USP22: variants seen among roughly 807,000 people sequenced by gnomAD.
The protein encoded by USP22 is ubiquitin carboxyl-terminal hydrolase 22.
A neutral mutation model predicts 68.1 loss-of-function variants in USP22; 22 were observed. That is an observed-to-expected ratio of 0.32 (90% CI 0.23 to 0.46). The LOEUF (loss-of-function observed/expected upper bound fraction) is 0.46. USP22 is among the 20% of genes least tolerant of loss of function. The pLI, the probability that USP22 is intolerant of heterozygous loss-of-function variation, is 1.00. For missense variants in USP22, 433 were observed against 695.8 expected (o/e 0.62, Z 4.25); for synonymous variants, 279 against 274.2 (o/e 1.02, Z -0.17).
chr17:21,006,677 G>A, intron 10 of USP22: 1 of 252,822 alleles, frequency 4.0e-6, no homozygotes. Flanking sequence ...GCTAATTTTT[G>A]TATTTTTAGT....
chr17:21,030,083 TC>T (rs1261267162), intron 1 of USP22, among the ~76,000 whole-genome samples: 2 of 152,142 alleles, frequency 1.3e-5, no homozygotes, highest in Admixed American at 6.5e-5. Context: ...GATTCCAGGA[TC>T]CCCTCAGGTA....
intron 1 of USP22, among the ~76,000 whole-genome samples, chr17:21,038,486 T>C (rs1463374544): frequency 6.6e-6 from 1 of 151,954 alleles, no homozygotes; most frequent in Non-Finnish European, 1.5e-5. Context: ...CTGGGCAACA[T>C]GGCAAAACTC....
At chr17:21,032,922 CAAAAAAAAAAAAAAAAAA>C (rs753804890) in intron 1 of USP22, among the ~76,000 whole-genome samples, 25 of 91,578 alleles carry the variant, frequency 2.7e-4, no homozygotes, top group Non-Finnish European at 4.1e-4. Flanking sequence ...GACCCTGTCT[CAAAAAAAAAAAAAAAAAA>C]AAAAAAAAAA....
intron 1 of USP22, among the ~76,000 whole-genome samples, chr17:21,034,902 A>C (rs1415902367): frequency 6.6e-6 from 1 of 152,222 alleles, no homozygotes; most frequent in Non-Finnish European, 1.5e-5. Context: ...GAAATTATGA[A>C]GGAAAAAAGT....
chr17:21,040,674 C>T (rs1972416378), intron 1 of USP22, among the ~76,000 whole-genome samples: 1 of 151,924 alleles, frequency 6.6e-6, no homozygotes, highest in African/African-American at 2.4e-5. Flanking sequence ...AACTTGACTC[C>T]TTCTATTTGG....
intron 2 of USP22, among the ~76,000 whole-genome samples, chr17:21,026,187 G>A (rs890069707): frequency 2.4e-4 from 37 of 152,244 alleles, no homozygotes; most frequent in Admixed American, 2.4e-3. Context: ...GAACCTGAGA[G>A]GCGGAGGTTG....
chr17:21,036,435 G>A (rs1972357675), intron 1 of USP22, among the ~76,000 whole-genome samples: 1 of 151,064 alleles, frequency 6.6e-6, no homozygotes, highest in Admixed American at 6.6e-5. Flanking sequence ...AGAGGGGTGG[G>A]GAGGGAAGTA....
rs1972459950 is a variant in USP22, at chr17:21,042,862, G to A, written c.-27C>T. 1 of 1,240,264 alleles carries A rather than the reference G, an allele frequency of 8.1e-7. No individual in the cohort carries two copies. The highest frequency in any genetic ancestry group is 3.2e-5 in the East Asian group (1 of 30,938). 76.8% of individuals were successfully genotyped at this position (1,240,264 alleles called of 1,614,324 possible). Reference sequence around the variant, plus strand: ...GGGGGCAAGGCCCGGCCGCGCGCGGGGGGCGGCGGCGAGGGAGGCGAGGAC... The same window carrying A: ...GGGGGCAAGGCCCGGCCGCGCGCGGAGGGCGGCGGCGAGGGAGGCGAGGAC... On this transcript the variant is annotated 5_prime_UTR_variant, in exon 1 of 13. Coordinates refer to ENST00000261497, the MANE Select transcript of USP22 (RefSeq NM_015276.2).
chr17:21,043,223 C>T (rs994977679), upstream of USP22: 25 of 166,342 alleles, frequency 1.5e-4, 1 homozygote, highest in South Asian at 3.8e-3. Context: ...TGGGTAGACC[C>T]GCGCCCGAGG....
Position 21,015,919 on chromosome 17 carries a change from G to T in USP22, c.691-20C>A. 1.2e-6 allele frequency: 2 copies of T among 1,612,430 alleles called. No individual in the cohort carries two copies. The highest frequency in any genetic ancestry group is 1.7e-5 in the Admixed American group (1 of 59,696). On this transcript the variant is annotated intron_variant, in intron 5 of 12. Coordinates refer to ENST00000261497, the MANE Select transcript of USP22 (RefSeq NM_015276.2). ...GTAAAACTGCCAGAGGGCGGGGAAGGAAACCTTGTCAGGAATAAATGTAGA... is the reference window on the plus strand; with the variant it reads ...GTAAAACTGCCAGAGGGCGGGGAAGTAAACCTTGTCAGGAATAAATGTAGA...
intron 11 of USP22, 82 bp downstream of exon 11, chr17:21,004,846 G>A (rs1913729971): frequency 6.6e-7 from 1 of 1,514,228 alleles, no homozygotes; most frequent in South Asian, 1.2e-5. Flanking sequence ...GGATCCGCTG[G>A]GCGCCCTACA....
At chr17:21,041,199 A>C (rs943162727) in intron 1 of USP22, among the ~76,000 whole-genome samples, 1 of 152,010 alleles carries the variant, frequency 6.6e-6, no homozygotes, top group African/African-American at 2.4e-5. Flanking sequence ...TCTTTTCTTA[A>C]AGACACACAA....
chr17:21,034,280 C>G (rs771750204), intron 1 of USP22, among the ~76,000 whole-genome samples: 1 of 152,094 alleles, frequency 6.6e-6, no homozygotes, highest in African/African-American at 2.4e-5. Flanking sequence ...TCAGACTGAC[C>G]TCATTTCAAG....
rs369015497 is a variant in USP22 at position 21,019,078 on chromosome 17, A to T, written c.520+6T>A. ...CTAGCTGAGAGTGACGACACGCTCC[A>T]CCCACCTATGGTGCAGTTCGAGGTG... On this transcript the variant is annotated splice_donor_region_variant and intron_variant, in intron 4 of 12. Coordinates refer to ENST00000261497, the MANE Select transcript of USP22 (RefSeq NM_015276.2). 8 of 1,613,806 alleles carry T rather than the reference A, an allele frequency of 5.0e-6. No homozygotes were observed. The African/African-American group carries it at 5.3e-5, about 11-fold the overall frequency.
rs749774578 is a variant in USP22 at position 21,004,981 on chromosome 17, G to C, written c.1332C>G (p.Ser444Arg). 1 of 1,614,188 alleles carries C rather than the reference G, an allele frequency of 6.2e-7. No homozygotes were observed. The highest frequency in any genetic ancestry group is 1.7e-5 in the Admixed American group (1 of 60,022). ...MTPFMASSKESRMNGQYQQPT... is the reference protein window; with the variant it reads ...MTPFMASSKERRMNGQYQQPT... ...GCTGCTGGTACTGTCCATTCATCCT[G>C]CTCTCTTTGCTGTAACAGACAACGG... Residue 444 changes from serine to arginine, a missense_variant, in exon 11 of 13, where the codon AGC becomes AGG. By Grantham distance (110) the Ser-to-Arg change is moderately radical. Transcript: ENST00000261497.
chr17:21,042,489 G>T (rs572555497), intron 1 of USP22, among the ~76,000 whole-genome samples, 176 bp downstream of exon 1: 34 of 138,442 alleles, frequency 2.5e-4, no homozygotes, highest in Admixed American at 2.1e-3. Context: ...GTTGAGGGGG[G>T]AAGGAAAGGA....
chr17:21,021,994 G>A (rs1457963561), intron 2 of USP22, among the ~76,000 whole-genome samples: 1 of 152,138 alleles, frequency 6.6e-6, no homozygotes, highest in Non-Finnish European at 1.5e-5. Flanking sequence ...CAGCTATTCG[G>A]GGAGCTGAGG....
At position 21,002,650 on chromosome 17, in the gene USP22, T is replaced by C. The variant is rs139080419; in HGVS notation, c.*381A>G. On this transcript the variant is annotated 3_prime_UTR_variant, in exon 13 of 13. Coordinates refer to ENST00000261497, the MANE Select transcript of USP22 (RefSeq NM_015276.2). ...CCAGCTTACTGCTTTCATGGACCCA[T>C]AATCTTACAGCAGGTAGGGGCCTTT... The C allele has an allele frequency of 7.5e-4, 213 of 284,630 alleles. 1 individual carries two copies. The highest frequency in any genetic ancestry group is 4.4e-3 in the African/African-American group (203 of 45,706). The allele number at this position is 284,630 out of a possible 1,614,324, so 17.6% of individuals were successfully genotyped here.
intron 7 of USP22, among the ~76,000 whole-genome samples, chr17:21,012,616 C>T (rs552865815): frequency 6.6e-6 from 1 of 151,822 alleles, no homozygotes; most frequent in Admixed American, 6.6e-5. Flanking sequence ...GACCTCAACA[C>T]GAAGGGCTCG....
Sources: allele counts gnomAD v4.1 joint callset (sites outside exome capture counted in the v4.1 genomes callset), GRCh38; gene constraint gnomAD v4.1.1; transcripts MANE v1.5; gene names NCBI Gene and HGNC (gene_info 2026-07-23, HGNC 2026-07-21).